Variants in FBLN7 observed in about 807,000 individuals in gnomAD.
The protein encoded by FBLN7 is fibulin-7.
In FBLN7, 31 loss-of-function variants were observed where a neutral mutation model predicts 44.0. That is an observed-to-expected ratio of 0.70 (90% confidence interval 0.53 to 0.95). The LOEUF (loss-of-function observed/expected upper bound fraction) is 0.95, where lower values mean the gene tolerates loss of function less well. FBLN7 is among the 40% of genes least tolerant of loss of function. The pLI is 0.00. For missense variants in FBLN7, 573 were observed against 618.5 expected (o/e 0.93, Z 0.78); for synonymous variants, 262 against 253.4 (o/e 1.03, Z -0.32).
chr2:112,206,596 A>G, the FBLN7 span, among the ~76,000 whole-genome samples: 1 of 151,988 alleles, frequency 6.6e-6, no homozygotes, highest in Admixed American at 6.6e-5. Flanking sequence ...TTTTATAGAG[A>G]CCGGGTTTTG....
rs77156906 is a variant in FBLN7, at chr2:112,151,127, G to A, written c.76-8549G>A. ...CCCAAGGTGGGTGTAGCCTGGGGAG[G>A]TTCATGGTAAGAGGGCCTGGATTCC... is the stretch of plus-strand genomic sequence containing the variant. On this transcript the variant is annotated intron_variant, in intron 1 of 7. Coordinates refer to ENST00000331203, the MANE Select transcript of FBLN7 (RefSeq NM_153214.3). 4.7e-3 allele frequency among the ~76,000 whole-genome samples: 711 copies of A among 152,306 alleles called. 10 individuals carry two copies. The highest frequency in any genetic ancestry group is 0.017 in the Middle Eastern group (5 of 294).
chr2:112,181,626 C>A (rs4848280), intron 4 of FBLN7, 113 bp from the exon 5 acceptor site: 1 of 1,233,102 alleles, frequency 8.1e-7, no homozygotes, highest in Non-Finnish European at 1.0e-6. Flanking sequence ...CCAGAGTAAG[C>A]CCTTTGAGAA....
intron 1 of FBLN7, among the ~76,000 whole-genome samples, chr2:112,157,004 G>C (rs1676558320): frequency 6.6e-6 from 1 of 152,144 alleles, no homozygotes; most frequent in African/African-American, 2.4e-5. Context: ...CCACTTTACT[G>C]TTCCACTGTA....
intron 1 of FBLN7, among the ~76,000 whole-genome samples, chr2:112,146,081 G>A (rs1307325349): frequency 6.6e-6 from 1 of 152,214 alleles, no homozygotes; most frequent in African/African-American, 2.4e-5. Flanking sequence ...AGCACTTTGG[G>A]AGGGCAAGGT....
Position 112,187,325 on chromosome 2 carries a change from G to A in FBLN7, c.1139G>A (p.Ser380Asn). The A allele has an allele frequency of 1.2e-6, 2 of 1,614,134 alleles. No individual in the cohort carries two copies. ...SLRFGIVGGN[S>N]RGHFVMQRSD... ...CGGTTTGGGATCGTGGGTGGGAACA[G>A]CCGCGGCCACTTTGTGATGCAGCGT... The change falls in exon 8 of 8, where the codon AGC (serine) becomes AAC (asparagine). Residue 380 changes from serine (S) to asparagine (N), a missense_variant. By Grantham distance (46) the Ser-to-Asn change is conservative (BLOSUM62 1). Coordinates refer to ENST00000331203, the MANE Select transcript of FBLN7 (RefSeq NM_153214.3). This position sits in a 1 kb window ranked among gnomAD's most constrained non-coding sequence, Gnocchi z 5.1.
At chr2:112,219,464 A>G in the FBLN7 span, among the ~76,000 whole-genome samples, 1 of 152,198 alleles carries the variant, frequency 6.6e-6, no homozygotes, top group Admixed American at 6.5e-5. Flanking sequence ...TGTAAATGCT[A>G]AACCTATAAA....
At chr2:112,221,764 T>C in the FBLN7 span, among the ~76,000 whole-genome samples, 2 of 152,222 alleles carry the variant, frequency 1.3e-5, no homozygotes, top group South Asian at 4.1e-4. Flanking sequence ...ACCTCCTGTA[T>C]TGTTTTATTG....
At chr2:112,234,286 T>C in the FBLN7 span, 3 of 1,358,482 alleles carry the variant, frequency 2.2e-6, no homozygotes, top group Non-Finnish European at 3.0e-6. Flanking sequence ...GAAAATTAAA[T>C]ATTTTATTCT....
In FBLN7 at chr2:112,181,867, G is replaced by A; in HGVS notation, c.661G>A (p.Val221Ile). The change falls in exon 5 of 8, where the codon GTC (valine) becomes ATC (isoleucine). Residue 221 changes from valine (V) to isoleucine (I), a missense_variant. Transcript: ENST00000331203. ...CCTGAGCGGCGCCGCCGGCGACAGC[G>A]TCTGCCAGGGTAGGCGCGGGCTCCG... ...FHLSGAAGDS[V>I]CQDVNECELY... 6.5e-7 allele frequency: 1 copy of A among 1,531,440 alleles called. No individual in the cohort carries two copies. Among genetic ancestry groups the A allele is most frequent in the Non-Finnish European group, 8.7e-7 (1 of 1,144,648 alleles). 94.9% of individuals were successfully genotyped at this position (1,531,440 alleles called of 1,614,324 possible).
the FBLN7 span, among the ~76,000 whole-genome samples, chr2:112,205,116 A>G: frequency 2.0e-5 from 3 of 152,146 alleles, no homozygotes; most frequent in Non-Finnish European, 2.9e-5. Context: ...ATTGGTGTCA[A>G]TCTGAACTAG....
rs180701362 is a variant in FBLN7 at position 112,187,926 on chromosome 2, G to A, written c.*420G>A. 5.6e-4 allele frequency: 132 copies of A among 236,874 alleles called. 1 individual carries two copies. Among genetic ancestry groups the A allele is most frequent in the Non-Finnish European group, 5.6e-4 (69 of 122,390 alleles). 14.7% of individuals were successfully genotyped at this position (236,874 alleles called of 1,614,324 possible). A position where few individuals can be genotyped will look rare whatever the true frequency, so the allele number is the denominator to read the frequency against. On this transcript the variant is annotated 3_prime_UTR_variant, in exon 8 of 8. Coordinates refer to ENST00000331203, the MANE Select transcript of FBLN7 (RefSeq NM_153214.3). The surrounding 1 kb of genome is among the most constrained non-coding windows in gnomAD (Gnocchi z 5.1). ...TGCTATGAATGAAACGGTTCTAGTC[G>A]TGCGGGGGGCCCTAGTCATGCCTCT...
chr2:112,157,754 C>A (rs1681506576), intron 1 of FBLN7, among the ~76,000 whole-genome samples: 1 of 152,198 alleles, frequency 6.6e-6, no homozygotes, highest in African/African-American at 2.4e-5. Flanking sequence ...GCGAGCACCA[C>A]CATGCCCAGC....
At chr2:112,186,242 T>C (rs1390800257) in intron 7 of FBLN7, among the ~76,000 whole-genome samples, 7 of 152,172 alleles carry the variant, frequency 4.6e-5, no homozygotes, top group Non-Finnish European at 8.8e-5. Context: ...TCGCCAAATA[T>C]ACTAGATTGC....
At chr2:112,241,798 G>T in the FBLN7 span, among the ~76,000 whole-genome samples, 1 of 152,122 alleles carries the variant, frequency 6.6e-6, no homozygotes, top group Non-Finnish European at 1.5e-5. Flanking sequence ...TATTAATAAA[G>T]AACATATTAC....
chr2:112,185,113 C>T (rs771798653), intron 6 of FBLN7, 88 bp from the exon 7 acceptor site: 154 of 1,515,614 alleles, frequency 1.0e-4, no homozygotes, highest in Non-Finnish European at 1.3e-4. Flanking sequence ...CACCACATTA[C>T]AGGACCTGCA....
rs1683305692 is a variant in FBLN7, at chr2:112,187,157, C to G, written c.971C>G (p.Pro324Arg). The change falls in exon 8 of 8, where the codon CCC becomes CGC. Residue 324 changes from proline to arginine, a missense_variant. Physicochemically the swap from Pro to Arg is moderately radical, Grantham distance 103. Transcript: ENST00000331203. The surrounding 1 kb of genome is among the most constrained non-coding windows in gnomAD (Gnocchi z 5.1). ...SPFQCERNPCPMDSRPCRHLP... is the reference protein window; with the variant it reads ...SPFQCERNPCRMDSRPCRHLP... ...AGCCAGTGTGAGCGGAACCCCTGCC[C>G]CATGGACAGCAGGCCCTGCCGCCAT... is the stretch of plus-strand genomic sequence containing the variant. 6.2e-7 allele frequency: 1 copy of G among 1,613,986 alleles called. No individual in the cohort carries two copies. The highest frequency in any genetic ancestry group is 1.7e-5 in the Admixed American group (1 of 60,008).
At chr2:112,223,308 C>G in the FBLN7 span, among the ~76,000 whole-genome samples, 3 of 151,702 alleles carry the variant, frequency 2.0e-5, no homozygotes, top group East Asian at 5.8e-4. Context: ...AATAATAAAT[C>G]TATATGAACA....
At chr2:112,139,880 G>C (rs1285274537) in intron 1 of FBLN7, among the ~76,000 whole-genome samples, 39 of 66,092 alleles carry the variant, frequency 5.9e-4, no homozygotes, top group Non-Finnish European at 8.8e-4. Context: ...CCTCTCTCCA[G>C]GCCAGTGTCC....
chr2:112,220,549 C>T, the FBLN7 span, among the ~76,000 whole-genome samples: 18 of 152,224 alleles, frequency 1.2e-4, no homozygotes, highest in East Asian at 5.8e-4. Context: ...GGGCTGGGCG[C>T]GGTGGCTCAC....
Sources: allele counts gnomAD v4.1 joint callset (sites outside exome capture counted in the v4.1 genomes callset), GRCh38; gene constraint gnomAD v4.1.1; non-coding constraint Gnocchi (gnomAD v3.1); transcripts MANE v1.5; gene names NCBI Gene and HGNC (gene_info 2026-07-23, HGNC 2026-07-21).